Variants in CARHSP1 observed in about 807,000 individuals in gnomAD.
CARHSP1 encodes the protein calcium regulated heat stable protein 1, also known as calcium-regulated heat-stable protein 1.
Under a neutral mutation model 12.5 loss-of-function variants are expected in CARHSP1, and 14 were observed. The observed-to-expected ratio is 1.12, with a 90% confidence interval of 0.74 to 1.75. The LOEUF is 1.75. Among genes scored for constraint, CARHSP1 ranks in the 40% most tolerant of loss-of-function variants. The pLI is 0.00. For synonymous variants in CARHSP1, 161 were observed against 82.0 expected (o/e 1.96, Z -5.20); for missense variants, 343 against 201.6 (o/e 1.70, Z -4.25).
intron 1 of CARHSP1, among the ~76,000 whole-genome samples, chr16:8,865,182 C>T (rs183873001): frequency 2.1e-3 from 314 of 152,308 alleles, no homozygotes; most frequent in Non-Finnish European, 2.1e-3. Context: ...AATCTCAGCT[C>T]ACTGCAGACC....
chr16:8,858,759 A>T (rs1427168876), intron 2 of CARHSP1: 1 of 459,626 alleles, frequency 2.2e-6, no homozygotes, highest in Non-Finnish European at 3.9e-6. Flanking sequence ...GAAACTAATG[A>T]TTTACTATTA....
chr16:8,863,297 G>C (rs374357187), intron 1 of CARHSP1, among the ~76,000 whole-genome samples: 5 of 106,582 alleles, frequency 4.7e-5, no homozygotes, highest in Non-Finnish European at 7.8e-5. Flanking sequence ...ATTTTTTGTA[G>C]AGACAGGGTT....
intron 3 of CARHSP1, among the ~76,000 whole-genome samples, chr16:8,857,107 C>A (rs1255929455): frequency 6.6e-6 from 1 of 152,054 alleles, no homozygotes; most frequent in Admixed American, 6.6e-5. Context: ...GTGTCCTTGG[C>A]CAGATATAAT....
chr16:8,866,390 G>A (rs141856321), intron 1 of CARHSP1: 5 of 968,246 alleles, frequency 5.2e-6, no homozygotes, highest in East Asian at 1.1e-4. Flanking sequence ...CGCAGGGATC[G>A]GGGTGAGACT....
Position 8,858,392 on chromosome 16 carries a change from G to T in CARHSP1, c.239C>A (p.Thr80Asn), listed in dbSNP as rs755566803. Residue 80 changes from threonine (T) to asparagine (N), a missense_variant, in exon 3 of 4, where the codon ACT becomes AAT. Coordinates refer to ENST00000311052, the MANE Select transcript of CARHSP1 (RefSeq NM_014316.4). ...GATGTCGGGGCCGCCATCAGCTGGAGTAATGAAGCCATGGCCCTTGGACCG... is the reference window on the plus strand; with the variant it reads ...GATGTCGGGGCCGCCATCAGCTGGATTAATGAAGCCATGGCCCTTGGACCG... ...FCRSKGHGFI[T>N]PADGGPDIFL... 6 of 1,614,054 alleles carry T rather than the reference G, an allele frequency of 3.7e-6. No homozygotes were observed. Among genetic ancestry groups the T allele is most frequent in the African/African-American group, 2.7e-5 (2 of 75,034 alleles).
At position 8,856,066 on chromosome 16, in the gene CARHSP1, C is replaced by G. The variant is rs1242027345; in HGVS notation, c.282-740G>C. 2.0e-5 allele frequency among the ~76,000 whole-genome samples: 3 copies of G among 152,196 alleles called. No individual in the cohort carries two copies. The South Asian group carries it at 6.2e-4, about 32-fold the overall frequency. On this transcript the variant is annotated intron_variant, in intron 3 of 3. Transcript: ENST00000311052. ...TTAAGTGAGCCACCTGCCTCAGCCT[C>G]CGAAAGTGCTGGGATTACAAGCGTG...
In CARHSP1 at chr16:8,857,263, G is replaced by GTTTTTTGTTTTTT. The variant is rs1315960023; in HGVS notation, c.281+1086_281+1087insAAAAAACAAAAAA. On this transcript the variant is annotated intron_variant, in intron 3 of 3. Transcript: ENST00000311052. ...TGGCTATGTGATCTTGGGCAGATCT[G>GTTTTTTGTTTTTT]TTTTTTTTTTTTTTTTTTTTTTTTT... Among the ~76,000 whole-genome samples the GTTTTTTGTTTTTT allele has an allele frequency of 1.0e-3, 59 of 57,028 alleles. 2 individuals are homozygous for GTTTTTTGTTTTTT. The highest frequency in any genetic ancestry group is 0.014 in the Middle Eastern group (1 of 70). The allele number at this position is 57,028 out of a possible 152,430, so 37.4% of individuals were successfully genotyped here.
chr16:8,861,882 A>G, intron 1 of CARHSP1: 2 of 1,065,038 alleles, frequency 1.9e-6, no homozygotes, highest in Non-Finnish European at 2.4e-6. Flanking sequence ...CTCCCAGGAC[A>G]GCAGATGGGA....
At chr16:8,856,884 T>A (rs966679862) in intron 3 of CARHSP1, among the ~76,000 whole-genome samples, 2 of 152,084 alleles carry the variant, frequency 1.3e-5, no homozygotes, top group Admixed American at 6.5e-5. Flanking sequence ...AGCCCTAGGA[T>A]GTGTGCGCCC....
Position 8,854,347 on chromosome 16 carries a change from C to A in CARHSP1, c.*817G>T, listed in dbSNP as rs2061029349. 1 of 152,108 alleles carries A rather than the reference C, an allele frequency of 6.6e-6. No homozygotes were observed. The highest frequency in any genetic ancestry group is 2.4e-5 in the African/African-American group (1 of 41,408). 9.4% of individuals were successfully genotyped at this position (152,108 alleles called of 1,614,324 possible). ...CAAAGACTGTGTCCTCTCCACAAGC[C>A]CTTCCCACCACCACCACCCCAGCCC... On this transcript the variant is annotated 3_prime_UTR_variant, in exon 4 of 4. Coordinates refer to ENST00000311052, the MANE Select transcript of CARHSP1 (RefSeq NM_014316.4).
chr16:8,868,494 T>G (rs2061483914), intron 1 of CARHSP1: 1 of 145,286 alleles, frequency 6.9e-6, no homozygotes, highest in Non-Finnish European at 1.5e-5. Context: ...CCAGGACGGC[T>G]CCCCACCTCC....
chr16:8,860,620 G>T, intron 1 of CARHSP1: 1 of 472,490 alleles, frequency 2.1e-6, no homozygotes. Flanking sequence ...ACCTGCGCAG[G>T]GCTGGTGATG....
chr16:8,856,629 G>T (rs903160186), intron 3 of CARHSP1, among the ~76,000 whole-genome samples: 1 of 149,864 alleles, frequency 6.7e-6, no homozygotes, highest in Non-Finnish European at 1.5e-5. Context: ...TGGGGCGGGG[G>T]TGGGCAAAGG....
At chr16:8,858,207 G>C (rs2061212740) in intron 3 of CARHSP1, 143 bp downstream of exon 3, 1 of 977,104 alleles carries the variant, frequency 1.0e-6, no homozygotes, top group East Asian at 2.6e-5. Context: ...CACAGCTGGA[G>C]CACCAGCCAC....
intron 3 of CARHSP1, 71 bp downstream of exon 3, chr16:8,858,279 C>G: frequency 6.4e-7 from 1 of 1,563,616 alleles, no homozygotes; most frequent in Non-Finnish European, 8.6e-7. Context: ...GAGTCACACA[C>G]CATCCCCACC....
At chr16:8,859,121 C>G (rs779045100) in intron 2 of CARHSP1, 50 bp downstream of exon 2, 3 of 1,502,200 alleles carry the variant, frequency 2.0e-6, no homozygotes, top group African/African-American at 2.8e-5. Context: ...TCTCTGGCCT[C>G]AGGCAAGAGA....
At chr16:8,858,992 G>A (rs374267684) in intron 2 of CARHSP1, 179 bp downstream of exon 2, 1 of 557,852 alleles carries the variant, frequency 1.8e-6, no homozygotes, top group East Asian at 3.0e-5. Flanking sequence ...GGGCTGGGCA[G>A]TACCCTGAAT....
chr16:8,858,715 G>A (rs988337881), intron 2 of CARHSP1: 7 of 525,458 alleles, frequency 1.3e-5, no homozygotes, highest in Non-Finnish European at 2.4e-5. Context: ...TGGAAAGAGG[G>A]AGTTGAACTA....
At chr16:8,866,242 C>G (rs1478230547) in intron 1 of CARHSP1, among the ~76,000 whole-genome samples, 2 of 152,232 alleles carry the variant, frequency 1.3e-5, no homozygotes, top group African/African-American at 2.4e-5. Flanking sequence ...GCTCCAGATT[C>G]CTGGCCAAGA....
Sources: gnomAD v4.1 joint callset for allele counts (sites outside exome capture counted in the v4.1 genomes callset) on GRCh38, gnomAD v4.1.1 for gene constraint, MANE v1.5 for transcripts, NCBI Gene and HGNC (gene_info 2026-07-23, HGNC 2026-07-21) for gene names.